Variants in PKNOX2 observed in about 807,000 individuals in gnomAD.
The protein encoded by PKNOX2 is homeobox protein PKNOX2.
A neutral mutation model predicts 53.1 loss-of-function variants in PKNOX2; 14 were observed. The ratio of observed to expected loss-of-function variants is 0.26; its 90% CI spans 0.17 to 0.41. PKNOX2 has a LOEUF of 0.41. Ranked by LOEUF, PKNOX2 falls within the 10% of genes least tolerant of loss-of-function variation. The pLI, the probability that PKNOX2 is intolerant of heterozygous loss-of-function variation, is 1.00. For missense variants in PKNOX2, 496 were observed against 602.8 expected (o/e 0.82, Z 1.85); for synonymous variants, 257 against 242.8 (o/e 1.06, Z -0.54).
chr11:125,181,637 C>T (rs1956162947), intron 1 of PKNOX2, among the ~76,000 whole-genome samples: 1 of 152,168 alleles, frequency 6.6e-6, no homozygotes, highest in Middle Eastern at 3.2e-3. Context: ...CCTCTGTCTC[C>T]CATAGAAATA....
intron 2 of PKNOX2, among the ~76,000 whole-genome samples, chr11:125,241,986 T>G (rs1390249889): frequency 6.6e-6 from 1 of 152,030 alleles, no homozygotes; most frequent in East Asian, 1.9e-4. Context: ...AGCTCCAGGA[T>G]GGATGGTGAA....
At chr11:125,227,884 G>A (rs1046226729) in intron 1 of PKNOX2, among the ~76,000 whole-genome samples, 1 of 152,356 alleles carries the variant, frequency 6.6e-6, no homozygotes, top group Non-Finnish European at 1.5e-5. Flanking sequence ...GCAAAAGGCA[G>A]TTTCTCAGAG....
At chr11:125,244,074 C>A (rs1943376268) in intron 2 of PKNOX2, among the ~76,000 whole-genome samples, 1 of 152,202 alleles carries the variant, frequency 6.6e-6, no homozygotes, top group Non-Finnish European at 1.5e-5. Flanking sequence ...GGTAACTGCA[C>A]AAGATTGGAG....
Position 125,245,972 on chromosome 11 carries a change from G to A in PKNOX2, c.-130+10857G>A, listed in dbSNP as rs184020336. 5.9e-5 allele frequency among the ~76,000 whole-genome samples: 9 copies of A among 152,262 alleles called. No homozygotes were observed. In the South Asian group the frequency reaches 6.2e-4, roughly 11 times the overall value. ...GCAAAATGTAAAATAAGATTGGAGC[G>A]AGAAACCAGGGTGGAAAGGGGATAG... On this transcript the variant is annotated intron_variant, in intron 2 of 12. Transcript: ENST00000298282.
chr11:125,331,431 T>TC (rs1447384492), intron 2 of PKNOX2, among the ~76,000 whole-genome samples: 2 of 151,438 alleles, frequency 1.3e-5, no homozygotes, highest in Non-Finnish European at 2.9e-5. Flanking sequence ...TCTACCACTG[T>TC]CCCCCCTTCC....
chr11:125,202,330 C>T (rs2135407515), intron 1 of PKNOX2, among the ~76,000 whole-genome samples: 1 of 152,278 alleles, frequency 6.6e-6, no homozygotes, highest in South Asian at 2.1e-4. Flanking sequence ...GGGGCCTTAT[C>T]CCTGATGGCT....
At chr11:125,367,657 T>C (rs1469755707) in intron 4 of PKNOX2, among the ~76,000 whole-genome samples, 189 bp from the exon 5 acceptor site, 1 of 152,242 alleles carries the variant, frequency 6.6e-6, no homozygotes, top group African/African-American at 2.4e-5. Context: ...ACATGCTCAT[T>C]TGAAGAAAGC....
At chr11:125,429,277 C>A (rs1339627085) in intron 11 of PKNOX2, among the ~76,000 whole-genome samples, 189 bp downstream of exon 11, 1 of 152,224 alleles carries the variant, frequency 6.6e-6, no homozygotes. Context: ...GTGGCTTCAT[C>A]TGCAGCTTCT....
intron 2 of PKNOX2, chr11:125,258,512 A>G (rs982148292): frequency 5.9e-5 from 9 of 152,596 alleles, no homozygotes; most frequent in African/African-American, 1.9e-4. Flanking sequence ...TTGGACGATT[A>G]GGGAAATATC....
intron 1 of PKNOX2, among the ~76,000 whole-genome samples, chr11:125,194,079 G>A (rs1219673187): frequency 6.6e-6 from 1 of 152,230 alleles, no homozygotes; most frequent in Non-Finnish European, 1.5e-5. Flanking sequence ...AGAGCAACGT[G>A]ATGTCTTTGG....
chr11:125,259,318 T>C (rs1341108851), intron 2 of PKNOX2, among the ~76,000 whole-genome samples: 4 of 152,218 alleles, frequency 2.6e-5, no homozygotes, highest in Admixed American at 6.5e-5. Context: ...CACTATGTTC[T>C]AGACACTGAG....
At position 125,211,734 on chromosome 11, in the gene PKNOX2, G is replaced by C. The variant is rs1450772100; in HGVS notation, c.-200-23311G>C. On this transcript the variant is annotated intron_variant, in intron 1 of 12. Transcript: ENST00000298282. ...AGCTGGTGCCTGCTTTGGGCTGCAG[G>C]GGGAGGTGGGAATGCAGCTGTTTTT... is the stretch of plus-strand genomic sequence containing the variant. Among the ~76,000 whole-genome samples, 8 of 152,082 alleles carry C rather than the reference G, an allele frequency of 5.3e-5. 1 individual carries two copies. Among genetic ancestry groups the C allele is most frequent in the Admixed American group, 3.3e-4 (5 of 15,274 alleles).
intron 1 of PKNOX2, among the ~76,000 whole-genome samples, chr11:125,189,445 G>GTATATATATATATATATATA (rs1956715874): frequency 4.0e-5 from 2 of 50,584 alleles, no homozygotes; most frequent in East Asian, 1.1e-3. Context: ...GTGTGTGTGT[G>GTATATATATATATATATATA]TGTATATATA....
At chr11:125,216,814 A>T (rs1310473821) in intron 1 of PKNOX2, among the ~76,000 whole-genome samples, 1 of 152,094 alleles carries the variant, frequency 6.6e-6, no homozygotes, top group Non-Finnish European at 1.5e-5. Flanking sequence ...AGCTGGTACC[A>T]CTGAGGTCAC....
chr11:125,345,339 C>T (rs1950913104), intron 3 of PKNOX2, among the ~76,000 whole-genome samples: 1 of 152,108 alleles, frequency 6.6e-6, no homozygotes, highest in Admixed American at 6.5e-5. Flanking sequence ...GTCAAGCCTC[C>T]CAGCCCATGG....
At chr11:125,403,391 T>C (rs1187332765) in intron 7 of PKNOX2, among the ~76,000 whole-genome samples, 3 of 152,122 alleles carry the variant, frequency 2.0e-5, no homozygotes, top group Non-Finnish European at 2.9e-5. Context: ...AGCCACATCT[T>C]GTATTGGTCC....
intron 1 of PKNOX2, among the ~76,000 whole-genome samples, chr11:125,227,614 G>T (rs765258596): frequency 1.3e-5 from 2 of 152,156 alleles, no homozygotes; most frequent in African/African-American, 2.4e-5. Flanking sequence ...ATGCCACATT[G>T]TGTCTGTCCA....
At chr11:125,365,508 A>G (rs1312064542) in intron 4 of PKNOX2, among the ~76,000 whole-genome samples, 2 of 152,196 alleles carry the variant, frequency 1.3e-5, no homozygotes, top group Non-Finnish European at 2.9e-5. Context: ...AACTTATTAG[A>G]TGAGGAATAA....
In PKNOX2 at chr11:125,367,885, G is replaced by T. The variant is rs1436887507; in HGVS notation, c.127G>T (p.Val43Phe). Residue 43 changes from valine (V) to phenylalanine (F), a missense_variant, in exon 5 of 13, where the codon GTC becomes TTC. By Grantham distance (50) the Val-to-Phe change is conservative. Around this residue, in one of 5 missense-constraint regions of PKNOX2, gnomAD observed 168 missense variants for 178.4 expected, o/e 0.94. Coordinates refer to ENST00000298282, the MANE Select transcript of PKNOX2 (RefSeq NM_001382323.2). ...TAQPPSKAQA[V>F]HISAPSAAAS... ...CCAGCCACCCTCCAAGGCCCAGGCT[G>T]TCCACATCTCTGCCCCCTCAGCTGC... 2 of 1,613,432 alleles carry T rather than the reference G, an allele frequency of 1.2e-6. No homozygotes were observed. Among genetic ancestry groups the T allele is most frequent in the African/African-American group, 2.7e-5 (2 of 74,890 alleles).
Sources: gnomAD v4.1 joint callset for allele counts (sites outside exome capture counted in the v4.1 genomes callset) on GRCh38, gnomAD v4.1.1 for gene constraint, gnomAD v4.1.1 regional missense constraint, MANE v1.5 for transcripts, NCBI Gene and HGNC (gene_info 2026-07-23, HGNC 2026-07-21) for gene names.